Variants in CHODL observed in about 807,000 individuals in gnomAD.
CHODL encodes the protein chondrolectin.
In CHODL, 29 loss-of-function variants were observed where a neutral mutation model predicts 34.5. The ratio of observed to expected loss-of-function variants is 0.84; its 90% confidence interval spans 0.63 to 1.15. The LOEUF is 1.15. Among genes scored for constraint, CHODL ranks in the 50% most tolerant of loss-of-function variants. The probability of loss-of-function intolerance (pLI) is 0.00; values close to 1 mark genes in which losing one functional copy is unlikely to be tolerated. For synonymous variants in CHODL, 125 were observed against 116.1 expected, an observed-to-expected ratio of 1.08 and a Z score of -0.49; for missense variants, 332 against 332.5, an observed-to-expected ratio of 1.00 and a Z score of 0.01.
intron 2 of CHODL, among the ~76,000 whole-genome samples, chr21:18,038,761 T>A (rs1487208904): frequency 4.6e-5 from 7 of 151,666 alleles, no homozygotes; most frequent in African/African-American, 1.4e-4. Flanking sequence ...GTGGATAGTT[T>A]CTGTATCATT....
At chr21:18,160,580 T>C (rs2073084967) in intron 2 of CHODL, among the ~76,000 whole-genome samples, 1 of 151,734 alleles carries the variant, frequency 6.6e-6, no homozygotes, top group African/African-American at 2.4e-5. Context: ...AGTAAGAACA[T>C]TCAGTGTTTG....
At chr21:17,948,808 C>T (rs1460772680) in intron 1 of CHODL, among the ~76,000 whole-genome samples, 1 of 152,044 alleles carries the variant, frequency 6.6e-6, no homozygotes, top group African/African-American at 2.4e-5. Context: ...TGCTTTACTG[C>T]TGAATTCTAA....
At chr21:18,193,477 C>T (rs559098834) in intron 2 of CHODL, among the ~76,000 whole-genome samples, 31 of 151,824 alleles carry the variant, frequency 2.0e-4, no homozygotes, top group South Asian at 1.7e-3. Context: ...GGGCGGATCA[C>T]GAGGTCAGGA....
intron 1 of CHODL, among the ~76,000 whole-genome samples, chr21:17,960,529 T>C (rs1036408385): frequency 6.6e-6 from 1 of 152,178 alleles, no homozygotes; most frequent in Non-Finnish European, 1.5e-5. Flanking sequence ...TTGATACCAT[T>C]GAGTGCTCCT....
intron 2 of CHODL, among the ~76,000 whole-genome samples, chr21:18,099,266 T>C (rs1443599585): frequency 6.6e-6 from 1 of 152,096 alleles, no homozygotes; most frequent in Non-Finnish European, 1.5e-5. Context: ...AAAGGATAAA[T>C]GCTTGATGAG....
At chr21:18,070,025 T>TTCCC (rs1555860424) in intron 2 of CHODL, among the ~76,000 whole-genome samples, 2 of 29,088 alleles carry the variant, frequency 6.9e-5, no homozygotes, top group Non-Finnish European at 1.0e-4. Flanking sequence ...TTCCCTTCCC[T>TTCCC]CCCCCCCCCC....
chr21:18,055,511 A>T (rs2064567924), intron 2 of CHODL, among the ~76,000 whole-genome samples: 1 of 152,122 alleles, frequency 6.6e-6, no homozygotes, highest in Non-Finnish European at 1.5e-5. Flanking sequence ...TCATAGTCTC[A>T]TGCCTTTAGC....
chr21:18,014,932 G>T (rs2064057777), intron 1 of CHODL, among the ~76,000 whole-genome samples: 1 of 152,172 alleles, frequency 6.6e-6, no homozygotes, highest in African/African-American at 2.4e-5. Flanking sequence ...TTGCTATAAA[G>T]ATACCTGAAA....
intron 2 of CHODL, among the ~76,000 whole-genome samples, chr21:18,112,057 CA>C (rs778891296): frequency 1.3e-5 from 2 of 152,094 alleles, no homozygotes; most frequent in Non-Finnish European, 2.9e-5. Context: ...TAGATAAATG[CA>C]ATGTGAAAAA....
chr21:18,244,584 A>G (rs1292121300), upstream of CHODL, among the ~76,000 whole-genome samples: 1 of 152,224 alleles, frequency 6.6e-6, no homozygotes, highest in African/African-American at 2.4e-5. Context: ...AGAGTTTAAT[A>G]GCAAAGCTGT....
chr21:17,942,055 A>AATACAAATGT (rs1418922174), intron 1 of CHODL, among the ~76,000 whole-genome samples: 38 of 152,284 alleles, frequency 2.5e-4, no homozygotes, highest in Non-Finnish European at 4.4e-4. Flanking sequence ...TTTTGGGGGG[A>AATACAAATGT]ATACAAACAT....
chr21:18,201,342 ACT>A (rs2073649866), intron 2 of CHODL, among the ~76,000 whole-genome samples: 1 of 152,038 alleles, frequency 6.6e-6, no homozygotes, highest in Non-Finnish European at 1.5e-5. Context: ...ATTTTAATAA[ACT>A]CTTATATGGT....
At chr21:18,084,920 A>AGTGTGTGTGTGT (rs376876845) in intron 2 of CHODL, among the ~76,000 whole-genome samples, 71 of 85,320 alleles carry the variant, frequency 8.3e-4, no homozygotes, top group East Asian at 4.3e-3. Context: ...GTCTAGTAAT[A>AGTGTGTGTGTGT]GTGTGTGTGT....
chr21:18,141,231 G>C (rs1361789476), intron 2 of CHODL, among the ~76,000 whole-genome samples: 1 of 151,882 alleles, frequency 6.6e-6, no homozygotes, highest in Non-Finnish European at 1.5e-5. Context: ...ACTTACTGAA[G>C]GTTTATATGC....
intron 2 of CHODL, among the ~76,000 whole-genome samples, chr21:18,176,020 A>G (rs752667238): frequency 2.0e-5 from 3 of 152,236 alleles, no homozygotes; most frequent in Admixed American, 6.5e-5. Context: ...GATTTATAGT[A>G]GTAATTAAAT....
At position 17,941,158 on chromosome 21, in the gene CHODL, GT is replaced by G. The variant is rs527460647; in HGVS notation, c.-145+23759del. Among the ~76,000 whole-genome samples the G allele has an allele frequency of 1.4e-4, 22 of 152,012 alleles. No individual in the cohort carries two copies. The South Asian group carries it at 2.7e-3, about 19-fold the overall frequency. On this transcript the variant is annotated intron_variant, in intron 1 of 6. Coordinates refer to the CHODL transcript ENST00000400127. ...TACTTTTCTAATACTCATCTACTTGGTAAAATATGGCCATGCCAAGGTTTTC... is the reference window on the plus strand; with the variant it reads ...TACTTTTCTAATACTCATCTACTTGGAAAATATGGCCATGCCAAGGTTTTC...
chr21:18,185,837 T>C (rs1300440072), intron 2 of CHODL, among the ~76,000 whole-genome samples: 1 of 152,202 alleles, frequency 6.6e-6, no homozygotes, highest in African/African-American at 2.4e-5. Context: ...ACTAACCTTA[T>C]ATGGTAGAAA....
At chr21:18,252,250 C>A (rs184418251) in intron 1 of CHODL, among the ~76,000 whole-genome samples, 42 of 152,180 alleles carry the variant, frequency 2.8e-4, no homozygotes, top group African/African-American at 1.0e-3. Context: ...TTATATGGTT[C>A]TCTGAATCCT....
chr21:18,083,516 A>C (rs1390562518), intron 2 of CHODL, among the ~76,000 whole-genome samples: 1 of 152,174 alleles, frequency 6.6e-6, no homozygotes, highest in Non-Finnish European at 1.5e-5. Flanking sequence ...GGGCCTGGAA[A>C]AGCCTCAGTC....
Sources: allele counts gnomAD v4.1 joint callset (sites outside exome capture counted in the v4.1 genomes callset), GRCh38; gene constraint gnomAD v4.1.1; transcripts MANE v1.5; gene names NCBI Gene and HGNC (gene_info 2026-07-23, HGNC 2026-07-21).